The following ZDHHC2 variants were observed in gnomAD, a reference collection of about 807,000 sequenced individuals.
ZDHHC2 encodes zDHHC palmitoyltransferase 2, also known as palmitoyltransferase ZDHHC2.
In ZDHHC2, 51 loss-of-function variants were observed where a neutral mutation model predicts 55.6. The observed-to-expected ratio is 0.92, with a 90% CI of 0.73 to 1.16. ZDHHC2 has a LOEUF of 1.16. ZDHHC2 is among the 50% of genes most tolerant of loss of function. The pLI, the probability that ZDHHC2 is intolerant of heterozygous loss-of-function variation, is 0.00. For missense variants in ZDHHC2, 491 were observed against 442.4 expected, an observed-to-expected ratio of 1.11 and a Z score of -0.99; for synonymous variants, 199 against 152.9, an observed-to-expected ratio of 1.30 and a Z score of -2.22.
intron 1 of ZDHHC2, among the ~76,000 whole-genome samples, chr8:17,166,755 T>C (rs956944205): frequency 3.3e-5 from 5 of 152,036 alleles, no homozygotes; most frequent in Admixed American, 3.3e-4. Flanking sequence ...GGAAAGGGTG[T>C]CAAGGAGGAG....
intron 1 of ZDHHC2, among the ~76,000 whole-genome samples, chr8:17,182,855 G>C (rs568781174): frequency 3.3e-5 from 5 of 152,028 alleles, no homozygotes; most frequent in Non-Finnish European, 7.4e-5. Context: ...TCTGCCTCCC[G>C]GGTTCAAGCG....
chr8:17,196,570 T>G (rs112579722), intron 4 of ZDHHC2, among the ~76,000 whole-genome samples: 1 of 140,926 alleles, frequency 7.1e-6, no homozygotes. Flanking sequence ...ATAAAATAAA[T>G]AAAAAATGTT....
At chr8:17,200,276 C>G (rs954573571) in intron 6 of ZDHHC2, among the ~76,000 whole-genome samples, 1 of 152,230 alleles carries the variant, frequency 6.6e-6, no homozygotes, top group African/African-American at 2.4e-5. Context: ...ACAAGCCAGG[C>G]AGTCCAGAAG....
chr8:17,215,828 CTT>C (rs1346546537), intron 11 of ZDHHC2, among the ~76,000 whole-genome samples: 2 of 152,170 alleles, frequency 1.3e-5, no homozygotes, highest in African/African-American at 2.4e-5. Context: ...TCACATTCCT[CTT>C]GTTACTGTTG....
chr8:17,177,677 G>GA (rs1230347755), intron 1 of ZDHHC2, among the ~76,000 whole-genome samples: 3 of 151,924 alleles, frequency 2.0e-5, no homozygotes, highest in East Asian at 1.9e-4. Flanking sequence ...AAGATAAACA[G>GA]AAAAAATGTA....
chr8:17,220,583 T>A lies in ZDHHC2; in HGVS notation c.*362T>A, dbSNP rs985930995. The A allele has an allele frequency of 4.6e-5, 7 of 152,196 alleles. No individual in the cohort carries two copies. Among genetic ancestry groups the A allele is most frequent in the African/African-American group, 1.7e-4 (7 of 41,450 alleles). The allele number at this position is 152,196 out of a possible 1,614,324, so 9.4% of individuals were successfully genotyped here. ...ATAGAAACTCCATTAATCATCTGAT[T>A]TTCCGAATCTGAAAATTGAGACTAT... On this transcript the variant is annotated 3_prime_UTR_variant, in exon 13 of 13. Coordinates refer to ENST00000262096, the MANE Select transcript of ZDHHC2 (RefSeq NM_016353.5).
intron 5 of ZDHHC2, 116 bp downstream of exon 5, chr8:17,197,767 T>C: frequency 8.7e-7 from 1 of 1,155,620 alleles, no homozygotes; most frequent in Non-Finnish European, 1.2e-6. Context: ...TCTCAGCCCT[T>C]GATTTAGGAA....
intron 6 of ZDHHC2, among the ~76,000 whole-genome samples, chr8:17,202,734 TACACAC>T (rs61412744): frequency 5.3e-5 from 8 of 149,724 alleles, no homozygotes; most frequent in African/African-American, 1.7e-4. Flanking sequence ...TATATATATA[TACACAC>T]ACACACACAC....
rs1313612321 is a variant in ZDHHC2, at chr8:17,223,617, TCA to T, written c.*3398_*3399del. ...TTACAAAGATACCATTAGAATTTTCTCACTGTCTTGGTAAAAATTCCTAGATT... is the reference window on the plus strand; with the variant it reads ...TTACAAAGATACCATTAGAATTTTCTCTGTCTTGGTAAAAATTCCTAGATT... On this transcript the variant is annotated 3_prime_UTR_variant, in exon 13 of 13. Transcript: ENST00000262096. 4 of 151,600 alleles carry T rather than the reference TCA, an allele frequency of 2.6e-5. No homozygotes were observed. The highest frequency in any genetic ancestry group is 9.7e-5 in the African/African-American group (4 of 41,370). 9.4% of individuals were successfully genotyped at this position (151,600 alleles called of 1,614,324 possible). A position where few individuals can be genotyped will look rare whatever the true frequency, so the allele number is the denominator to read the frequency against.
chr8:17,156,887 CA>C (rs1439924493), intron 1 of ZDHHC2, 34 bp downstream of exon 1: 2 of 1,473,464 alleles, frequency 1.4e-6, no homozygotes, highest in South Asian at 2.6e-5. Context: ...GCCCCCAGCG[CA>C]GCGCAGCCCA....
intron 4 of ZDHHC2, among the ~76,000 whole-genome samples, chr8:17,195,930 A>G (rs954485214): frequency 2.0e-5 from 3 of 152,192 alleles, no homozygotes; most frequent in African/African-American, 7.2e-5. Context: ...ACTCATGTTT[A>G]AGGTTTTAAT....
At chr8:17,166,233 G>A (rs1413885803) in intron 1 of ZDHHC2, among the ~76,000 whole-genome samples, 1 of 152,170 alleles carries the variant, frequency 6.6e-6, no homozygotes, top group Non-Finnish European at 1.5e-5. Context: ...CCGTGGCGTG[G>A]GCACTGGAAA....
intron 6 of ZDHHC2, among the ~76,000 whole-genome samples, chr8:17,199,726 C>A (rs898674311): frequency 9.0e-5 from 13 of 144,938 alleles, no homozygotes; most frequent in African/African-American, 2.8e-4. Flanking sequence ...TTCCTTCTTT[C>A]TTCTTTTTCC....
At chr8:17,172,087 T>C (rs1240979105) in intron 1 of ZDHHC2, among the ~76,000 whole-genome samples, 1 of 152,146 alleles carries the variant, frequency 6.6e-6, no homozygotes, top group Non-Finnish European at 1.5e-5. Context: ...GCCCCGCGTC[T>C]ATCACCTTGT....
intron 3 of ZDHHC2, among the ~76,000 whole-genome samples, chr8:17,189,102 G>GTT (rs112068030): frequency 1.2e-4 from 14 of 115,848 alleles, no homozygotes; most frequent in Middle Eastern, 4.7e-3. Context: ...TTTTTGTTGG[G>GTT]TTTTTTTTTT....
intron 1 of ZDHHC2, among the ~76,000 whole-genome samples, chr8:17,174,630 T>G (rs1379023343): frequency 1.3e-5 from 2 of 152,028 alleles, no homozygotes; most frequent in Non-Finnish European, 2.9e-5. Context: ...AACCTACCCT[T>G]AAGAGACTTC....
chr8:17,201,262 G>GTTAT (rs753397945), intron 6 of ZDHHC2, among the ~76,000 whole-genome samples: 7 of 151,636 alleles, frequency 4.6e-5, no homozygotes, highest in South Asian at 2.1e-4. Context: ...AAACCCCCTT[G>GTTAT]TTATTTATTT....
intron 4 of ZDHHC2, 68 bp downstream of exon 4, chr8:17,195,692 T>C: frequency 6.3e-7 from 1 of 1,583,734 alleles, no homozygotes; most frequent in Non-Finnish European, 8.6e-7. Context: ...TGTAAGAAAG[T>C]GTGTTTATGT....
intron 8 of ZDHHC2, among the ~76,000 whole-genome samples, 200 bp downstream of exon 8, chr8:17,208,292 A>G (rs928024434): frequency 6.7e-6 from 1 of 149,794 alleles, no homozygotes; most frequent in African/African-American, 2.4e-5. Flanking sequence ...TCTCATATAT[A>G]TGTATATATA....
Sources: gnomAD v4.1 joint callset for allele counts (sites outside exome capture counted in the v4.1 genomes callset) on GRCh38, gnomAD v4.1.1 for gene constraint, MANE v1.5 for transcripts, NCBI Gene and HGNC (gene_info 2026-07-23, HGNC 2026-07-21) for gene names.